CYLD: variants seen among roughly 807,000 people sequenced by gnomAD.
The protein encoded by CYLD is ubiquitin carboxyl-terminal hydrolase CYLD.
CYLD carries 26 observed loss-of-function variants against 104.5 expected under a neutral mutation model. The ratio of observed to expected loss-of-function variants is 0.25; its 90% CI spans 0.18 to 0.35. CYLD has a LOEUF of 0.35. CYLD is among the 10% of genes least tolerant of loss of function. The pLI is 1.00. For missense variants in CYLD, 703 were observed against 1,136.1 expected (o/e 0.62, Z 5.48); for synonymous variants, 385 against 399.9 (o/e 0.96, Z 0.45).
intron 5 of CYLD, among the ~76,000 whole-genome samples, chr16:50,760,590 A>G (rs1408625693): frequency 2.0e-5 from 3 of 152,124 alleles, no homozygotes; most frequent in African/African-American, 7.2e-5. Flanking sequence ...TTAATTTTAT[A>G]TGTTAGAACT....
At chr16:50,755,724 G>A (rs1967155071) in intron 5 of CYLD, among the ~76,000 whole-genome samples, 1 of 152,032 alleles carries the variant, frequency 6.6e-6, no homozygotes, top group African/African-American at 2.4e-5. Context: ...CCCATTTTTT[G>A]ATGGGATTGT....
chr16:50,775,292 G>C (rs1380337978), intron 6 of CYLD, 118 bp downstream of exon 6: 1 of 787,570 alleles, frequency 1.3e-6, no homozygotes, highest in Admixed American at 2.3e-5. Flanking sequence ...AGTATTCTAT[G>C]ATCATTGCTG....
intron 12 of CYLD, chr16:50,786,576 A>G (rs1970848645): frequency 1.5e-5 from 5 of 338,596 alleles, no homozygotes; most frequent in South Asian, 5.5e-5. Flanking sequence ...CCTGGCCAAC[A>G]TGGTGAAACC....
intron 5 of CYLD, among the ~76,000 whole-genome samples, chr16:50,767,252 A>G (rs1968614613): frequency 1.3e-5 from 2 of 152,210 alleles, no homozygotes; most frequent in African/African-American, 4.8e-5. Context: ...GCAATGAAAT[A>G]TTTTTAAAAT....
intron 6 of CYLD, among the ~76,000 whole-genome samples, 187 bp from the exon 7 acceptor site, chr16:50,775,992 A>G (rs187693368): frequency 5.3e-5 from 8 of 152,354 alleles, no homozygotes; most frequent in Admixed American, 5.2e-4. Context: ...TTTGAAATAC[A>G]GCATTGGTTT....
Position 50,791,488 on chromosome 16 carries a change from A to G in CYLD, c.2109-70A>G, listed in dbSNP as rs573451585. 7.1e-6 allele frequency: 11 copies of G among 1,554,774 alleles called. No individual in the cohort carries two copies. In the African/African-American group the frequency reaches 1.1e-4, roughly 15 times the overall value. On this transcript the variant is annotated intron_variant, in intron 14 of 18. Coordinates refer to ENST00000427738, the MANE Select transcript of CYLD (RefSeq NM_001378743.1). Reference sequence around the variant, plus strand: ...TTTTCTGTTCTCAAATACTGCTGGGACAACTTAACATTTTGATTTAAGCAT... The same window carrying G: ...TTTTCTGTTCTCAAATACTGCTGGGGCAACTTAACATTTTGATTTAAGCAT...
intron 5 of CYLD, among the ~76,000 whole-genome samples, chr16:50,759,736 CT>C (rs1198948487): frequency 6.6e-6 from 1 of 152,160 alleles, no homozygotes; most frequent in African/African-American, 2.4e-5. Flanking sequence ...CTTTTCCACA[CT>C]TGGTACTGAT....
In CYLD at chr16:50,791,564, A is replaced by G; in HGVS notation, c.2115A>G (p.Ala705=). The G allele has an allele frequency of 6.2e-7, 1 of 1,613,790 alleles. No homozygotes were observed. Among genetic ancestry groups the G allele is most frequent in the Non-Finnish European group, 8.5e-7 (1 of 1,179,782 alleles). Residue 705 remains alanine (A), a synonymous_variant, in exon 15 of 19, where the codon GCA becomes GCG. Transcript: ENST00000427738. ...RVEPLLKIRS[A]GQKVQDCYFY... ...TTTCTCTGCGTGTTTTTAGATCAGCAGGTCAAAAGGTACAAGATTGTTACT... is the reference window on the plus strand; with the variant it reads ...TTTCTCTGCGTGTTTTTAGATCAGCGGGTCAAAAGGTACAAGATTGTTACT...
chr16:50,755,073 A>C (rs1245244187), intron 5 of CYLD, among the ~76,000 whole-genome samples: 1 of 120,896 alleles, frequency 8.3e-6, no homozygotes, highest in African/African-American at 3.8e-5. Flanking sequence ...ATAGATATGT[A>C]TACATATACA....
intron 5 of CYLD, among the ~76,000 whole-genome samples, chr16:50,757,164 A>G (rs1967345095): frequency 6.6e-6 from 1 of 152,048 alleles, no homozygotes. Flanking sequence ...GAAAGGGCTA[A>G]TACTAGATGA....
intron 9 of CYLD, among the ~76,000 whole-genome samples, chr16:50,780,834 C>CT (rs59836901): frequency 7.9e-4 from 115 of 144,930 alleles, no homozygotes; most frequent in Middle Eastern, 3.7e-3. Flanking sequence ...AAATATATTT[C>CT]TTTTTTTTTT....
At chr16:50,779,337 C>T (rs548486258) in intron 8 of CYLD, among the ~76,000 whole-genome samples, 31 of 152,062 alleles carry the variant, frequency 2.0e-4, no homozygotes, top group African/African-American at 7.0e-4. Flanking sequence ...TATATAGAAG[C>T]GTTTCTTAAG....
At chr16:50,788,955 A>G (rs1971137201) in intron 14 of CYLD, among the ~76,000 whole-genome samples, 1 of 152,216 alleles carries the variant, frequency 6.6e-6, no homozygotes, top group African/African-American at 2.4e-5. Context: ...TAGGACAATT[A>G]AATAATTTAA....
At chr16:50,795,827 C>T in intron 18 of CYLD, 1 of 548,932 alleles carries the variant, frequency 1.8e-6, no homozygotes, top group Non-Finnish European at 3.2e-6. Context: ...TCTGAAATCA[C>T]ACCCCAGAGC....
rs1471569320 is a variant in CYLD, at chr16:50,794,364, T to C, written c.2622T>C (p.Ala874=). 1 of 1,614,192 alleles carries C rather than the reference T, an allele frequency of 6.2e-7. No homozygotes were observed. Among genetic ancestry groups the C allele is most frequent in the Admixed American group, 1.7e-5 (1 of 60,026 alleles). ...GCATAGAAACAAGCCACTATGTTGC[T>C]TTTGTGAAGTATGGGAAGGACGATT... ...VLCIETSHYV[A]FVKYGKDDSA... is the part of the protein sequence containing the mutation. Residue 874 remains alanine, a synonymous_variant, in exon 18 of 19, where the codon GCT becomes GCC. Coordinates refer to ENST00000427738, the MANE Select transcript of CYLD (RefSeq NM_001378743.1). The surrounding 1 kb of genome is among the most constrained non-coding windows in gnomAD (Gnocchi z 4.1).
chr16:50,758,335 T>C (rs965856591), intron 5 of CYLD, among the ~76,000 whole-genome samples: 1 of 151,916 alleles, frequency 6.6e-6, no homozygotes, highest in East Asian at 1.9e-4. Flanking sequence ...GCAGATGGAG[T>C]GAGGGAGAAA....
intron 5 of CYLD, among the ~76,000 whole-genome samples, chr16:50,755,380 C>T (rs1442018032): frequency 1.3e-5 from 2 of 151,806 alleles, no homozygotes; most frequent in Admixed American, 1.3e-4. Flanking sequence ...ACTTTTTTTC[C>T]TTGGGTAGAC....
chr16:50,797,821 T>G lies in CYLD; in HGVS notation c.*1313T>G, dbSNP rs1972172086. On this transcript the variant is annotated 3_prime_UTR_variant, in exon 19 of 19. Coordinates refer to ENST00000427738, the MANE Select transcript of CYLD (RefSeq NM_001378743.1). ...GAATCTTTACAAACCCTGCAATTAC[T>G]TTTTTAAAGGCACTTTTACTCTTTG... 4.3e-6 allele frequency: 1 copy of G among 232,588 alleles called. No individual in the cohort carries two copies. The highest frequency in any genetic ancestry group is 6.1e-5 in the East Asian group (1 of 16,486). 14.4% of individuals were successfully genotyped at this position (232,588 alleles called of 1,614,324 possible).
intron 12 of CYLD, 134 bp from the exon 13 acceptor site, chr16:50,786,721 C>G: frequency 2.9e-6 from 2 of 680,436 alleles, no homozygotes; most frequent in Non-Finnish European, 2.5e-6. Flanking sequence ...GATCGGGCCA[C>G]TGCACACTCC....
Sources: gnomAD v4.1 joint callset for allele counts (sites outside exome capture counted in the v4.1 genomes callset) on GRCh38, gnomAD v4.1.1 for gene constraint, Gnocchi (gnomAD v3.1) non-coding constraint, MANE v1.5 for transcripts, NCBI Gene and HGNC (gene_info 2026-07-23, HGNC 2026-07-21) for gene names.